SPRED1: variants seen among roughly 807,000 people sequenced by gnomAD.
SPRED1 encodes the protein sprouty related EVH1 domain containing 1.
In SPRED1, 18 loss-of-function variants were observed where a neutral mutation model predicts 52.3. The ratio of observed to expected loss-of-function variants is 0.34; its 90% CI spans 0.24 to 0.51. SPRED1 has a LOEUF of 0.51. SPRED1 is among the 20% of genes least tolerant of loss of function. SPRED1 has a pLI of 0.97. For synonymous variants in SPRED1, 155 were observed against 179.7 expected, an observed-to-expected ratio of 0.86 and a Z score of 1.10; for missense variants, 485 against 551.0, an observed-to-expected ratio of 0.88 and a Z score of 1.20.
At chr15:38,313,484 G>A (rs1023975198) in intron 2 of SPRED1, among the ~76,000 whole-genome samples, 1 of 151,828 alleles carries the variant, frequency 6.6e-6, no homozygotes, top group Non-Finnish European at 1.5e-5. Flanking sequence ...AGAAAGTAAA[G>A]TTGTACTCAA....
intron 4 of SPRED1, among the ~76,000 whole-genome samples, chr15:38,328,639 T>TA (rs1895754854): frequency 1.3e-5 from 2 of 152,224 alleles, no homozygotes; most frequent in South Asian, 4.1e-4. Context: ...TTTAAAAACC[T>TA]AACCAATATT....
At chr15:38,292,033 C>A (rs1894934137) in intron 1 of SPRED1, among the ~76,000 whole-genome samples, 1 of 152,112 alleles carries the variant, frequency 6.6e-6, no homozygotes, top group African/African-American at 2.4e-5. Flanking sequence ...TTGAAAACAG[C>A]ATAAAACAAC....
chr15:38,273,272 A>G (rs1442205559), intron 1 of SPRED1, among the ~76,000 whole-genome samples: 1 of 152,098 alleles, frequency 6.6e-6, no homozygotes, highest in Admixed American at 6.6e-5. Context: ...CCATGTGTAA[A>G]TTACCTCATT....
intron 2 of SPRED1, among the ~76,000 whole-genome samples, chr15:38,305,194 T>C (rs1895227685): frequency 6.6e-6 from 1 of 151,914 alleles, no homozygotes; most frequent in African/African-American, 2.4e-5. Flanking sequence ...TAGCTGGGCA[T>C]GGGGGCAGAC....
In SPRED1 at chr15:38,299,487, T is replaced by A; in HGVS notation, c.147T>A (p.His49Gln). ...GCGTCACTGTCTTCAAAGTCCCTCATCAGGAAGAGAATGGCTGTGCTGACT... is the reference window on the plus strand; with the variant it reads ...GCGTCACTGTCTTCAAAGTCCCTCAACAGGAAGAGAATGGCTGTGCTGACT... ...LSSVTVFKVP[H>Q]QEENGCADFF... Residue 49 changes from histidine (H) to glutamine (Q), a missense_variant, in exon 2 of 7, where the codon CAT becomes CAA. Around this residue, in one of 5 missense-constraint regions of SPRED1, gnomAD observed 232 missense variants for 231.8 expected, o/e 1.00. Coordinates refer to ENST00000299084, the MANE Select transcript of SPRED1 (RefSeq NM_152594.3). 1 of 1,614,048 alleles carries A rather than the reference T, an allele frequency of 6.2e-7. No homozygotes were observed. The highest frequency in any genetic ancestry group is 1.1e-5 in the South Asian group (1 of 91,082).
intron 5 of SPRED1, 35 bp downstream of exon 5, chr15:38,339,930 T>A (rs1895997434): frequency 6.2e-7 from 1 of 1,613,152 alleles, no homozygotes. Flanking sequence ...GCGCGTTGTT[T>A]ATATGTGTAG....
Position 38,354,711 on chromosome 15 carries a change from C to CT in SPRED1, c.*3053dup, listed in dbSNP as rs1888572925. The CT allele has an allele frequency of 6.6e-6, 1 of 152,122 alleles. No homozygotes were observed. Among genetic ancestry groups the CT allele is most frequent in the Non-Finnish European group, 1.5e-5 (1 of 68,014 alleles). The allele number at this position is 152,122 out of a possible 1,614,324, so 9.4% of individuals were successfully genotyped here. ...TTGGCTTGCTGAAAGATTTTAAGCACTTTTTTCTTACATATCCTGTTTTAA... is the reference window on the plus strand; with the variant it reads ...TTGGCTTGCTGAAAGATTTTAAGCACTTTTTTTCTTACATATCCTGTTTTAA... On this transcript the variant is annotated 3_prime_UTR_variant, in exon 7 of 7. Transcript: ENST00000299084.
intron 2 of SPRED1, among the ~76,000 whole-genome samples, chr15:38,303,098 C>T (rs566389533): frequency 1.3e-4 from 19 of 151,978 alleles, no homozygotes; most frequent in Non-Finnish European, 1.8e-4. Context: ...GCAGGAGAAT[C>T]GCTTGAACCC....
chr15:38,324,130 C>T (rs1022544318), intron 3 of SPRED1, among the ~76,000 whole-genome samples: 2 of 152,164 alleles, frequency 1.3e-5, no homozygotes, highest in African/African-American at 4.8e-5. Flanking sequence ...CTTCTTATCT[C>T]ATGCCTACTC....
At chr15:38,340,228 A>C (rs1370964057) in intron 5 of SPRED1, among the ~76,000 whole-genome samples, 1 of 152,172 alleles carries the variant, frequency 6.6e-6, no homozygotes, top group East Asian at 1.9e-4. Context: ...AGATCTCTTT[A>C]TTAGATTAAG....
At chr15:38,286,636 A>G (rs947544233) in intron 1 of SPRED1, among the ~76,000 whole-genome samples, 3 of 152,020 alleles carry the variant, frequency 2.0e-5, no homozygotes, top group African/African-American at 7.2e-5. Context: ...TTATTGAAAT[A>G]CATTTTTATT....
chr15:38,299,290 C>A, intron 1 of SPRED1, 83 bp from the exon 2 acceptor site: 1 of 1,421,136 alleles, frequency 7.0e-7, no homozygotes, highest in South Asian at 1.2e-5. Flanking sequence ...CTAATGTGTT[C>A]TTTGGTTTCT....
chr15:38,297,512 A>G (rs888744773), intron 1 of SPRED1, among the ~76,000 whole-genome samples: 2 of 152,192 alleles, frequency 1.3e-5, no homozygotes, highest in Admixed American at 6.5e-5. Flanking sequence ...TGAGTTGAAG[A>G]TTGGCAAGAA....
chr15:38,257,575 A>G (rs1485664918), intron 1 of SPRED1, among the ~76,000 whole-genome samples: 2 of 152,116 alleles, frequency 1.3e-5, no homozygotes, highest in Admixed American at 1.3e-4. Flanking sequence ...TGCTGTTGGG[A>G]TGTTTGGATG....
chr15:38,301,697 C>A (rs774901448), intron 2 of SPRED1, among the ~76,000 whole-genome samples: 1 of 152,056 alleles, frequency 6.6e-6, no homozygotes, highest in South Asian at 2.1e-4. Flanking sequence ...CTGGGTAATA[C>A]ACTGTGATCA....
At chr15:38,276,117 T>G (rs1894546788) in intron 1 of SPRED1, among the ~76,000 whole-genome samples, 1 of 152,140 alleles carries the variant, frequency 6.6e-6, no homozygotes, top group African/African-American at 2.4e-5. Context: ...GCCAGAAATA[T>G]TTATCATATG....
rs985085386 is a variant in SPRED1, at chr15:38,349,528, G to A, written c.684+5G>A. 5 of 1,580,132 alleles carry A rather than the reference G, an allele frequency of 3.2e-6. No individual in the cohort carries two copies. Among genetic ancestry groups the A allele is most frequent in the Non-Finnish European group, 3.5e-6 (4 of 1,150,694 alleles). On this transcript the variant is annotated splice_donor_5th_base_variant and intron_variant, in intron 6 of 6. Coordinates refer to ENST00000299084, the MANE Select transcript of SPRED1 (RefSeq NM_152594.3). The stretch of plus-strand genomic sequence containing the variant: ...AGCCTAAAGTCCCAAAATAGGGTAA[G>A]TAATGTTAGTTTATCTTGTGATATG...
intron 1 of SPRED1, among the ~76,000 whole-genome samples, chr15:38,296,133 A>G (rs1895033503): frequency 6.6e-6 from 1 of 152,150 alleles, no homozygotes; most frequent in Non-Finnish European, 1.5e-5. Context: ...TCAGATCTCC[A>G]GACTATGTCT....
chr15:38,302,203 A>G (rs773775558), intron 2 of SPRED1, among the ~76,000 whole-genome samples: 4 of 152,296 alleles, frequency 2.6e-5, no homozygotes, highest in South Asian at 2.1e-4. Context: ...AATAAATACA[A>G]TATTTTAATG....
Sources: gnomAD v4.1 joint callset for allele counts (sites outside exome capture counted in the v4.1 genomes callset) on GRCh38, gnomAD v4.1.1 for gene constraint, gnomAD v4.1.1 regional missense constraint, MANE v1.5 for transcripts, NCBI Gene and HGNC (gene_info 2026-07-23, HGNC 2026-07-21) for gene names.